Variants in MUC5AC observed in about 807,000 individuals in gnomAD.
MUC5AC encodes mucin 5AC, oligomeric mucus/gel-forming, also known as mucin-5AC.
Under a neutral mutation model 169.7 loss-of-function variants are expected in MUC5AC, and 158 were observed. That is an observed-to-expected ratio of 0.93 (90% CI 0.82 to 1.06). The LOEUF is 1.06. MUC5AC is among the 50% of genes least tolerant of loss of function. The pLI, the probability that MUC5AC is intolerant of heterozygous loss-of-function variation, is 0.00. For missense variants in MUC5AC, 4,359 were observed against 3,089.9 expected, an observed-to-expected ratio of 1.41 and a Z score of -9.74; for synonymous variants, 1,975 against 1,237.0, an observed-to-expected ratio of 1.60 and a Z score of -12.52.
Position 1,164,165 on chromosome 11 carries a change from C to T in MUC5AC, c.849C>T (p.Asp283=), listed in dbSNP as rs193230759. 4.6e-4 allele frequency: 740 copies of T among 1,612,486 alleles called. 4 individuals carry two copies. In the East Asian group the frequency reaches 0.011, roughly 23 times the overall value. The part of the protein sequence containing the change: ...QLFSGCVALV[D]VGSYLEACRQ... Reference sequence around the variant, plus strand: ...TCTCTGGCTGCGTGGCCCTGGTGGACGTCGGCAGCTACCTGGAGGCTTGCA... The same window carrying T: ...TCTCTGGCTGCGTGGCCCTGGTGGATGTCGGCAGCTACCTGGAGGCTTGCA... Residue 283 remains aspartate (D), a synonymous_variant, in exon 8 of 49, where the codon GAC becomes GAT. Coordinates refer to ENST00000621226, the MANE Select transcript of MUC5AC (RefSeq NM_001304359.2).
Position 1,198,293 on chromosome 11 carries a change from G to T in MUC5AC, c.16161G>T (p.Gly5387=), listed in dbSNP as rs1861336201. The T allele has an allele frequency of 1.3e-6, 1 of 754,550 alleles. No homozygotes were observed. The highest frequency in any genetic ancestry group is 1.7e-5 in the African/African-American group (1 of 58,892). 46.7% of individuals were successfully genotyped at this position (754,550 alleles called of 1,614,324 possible). The part of the protein sequence containing the change: ...NCSWTVCSIN[G]TLYQPGAVVS... ...GCTGGACAGTGTGCAGCATCAACGG[G>T]ACCCTGTACCAGGTAAGAGCCACGG... Residue 5387 remains glycine (G), a synonymous_variant, in exon 43 of 49, where the codon GGG becomes GGT. Transcript: ENST00000621226.
intron 8 of MUC5AC, 37 bp downstream of exon 8, chr11:1,164,356 G>A (rs935261080): frequency 1.9e-6 from 3 of 1,611,698 alleles, no homozygotes; most frequent in South Asian, 2.2e-5. Flanking sequence ...AACCCCTTTG[G>A]CAGGGAGGGC....
In MUC5AC at chr11:1,192,095, C is replaced by T. The variant is rs1342342666; in HGVS notation, c.13950C>T (p.Asp4650=). Reference sequence around the variant, plus strand: ...CATCCCCTGGACCCCACGGCGGGGACAAGGAAACCTACAACAACATCATCA... The same window carrying T: ...CATCCCCTGGACCCCACGGCGGGGATAAGGAAACCTACAACAACATCATCA... ...DFPSPGPHGG[D]KETYNNIIRS... is the part of the protein sequence containing the mutation. The change falls in exon 31 of 49, where the codon GAC becomes GAT. Residue 4650 remains aspartate, a synonymous_variant. Transcript: ENST00000621226. 6 of 764,954 alleles carry T rather than the reference C, an allele frequency of 7.8e-6. No individual in the cohort carries two copies. Among genetic ancestry groups the T allele is most frequent in the Non-Finnish European group, 1.2e-5 (5 of 417,888 alleles). The allele number at this position is 764,954 out of a possible 1,614,324, so 47.4% of individuals were successfully genotyped here.
rs766535674 is a variant in MUC5AC, at chr11:1,168,725, C to T, written c.1651C>T (p.Pro551Ser). 5.3e-5 allele frequency: 85 copies of T among 1,610,208 alleles called. No individual in the cohort carries two copies. Among genetic ancestry groups the T allele is most frequent in the Admixed American group, 1.3e-4 (8 of 59,954 alleles). ...CCTGCAGCTGAACCTGCAGCTGGTGCCCACCATGCAGCTGTTCATGCAGCT... is the reference window on the plus strand; with the variant it reads ...CCTGCAGCTGAACCTGCAGCTGGTGTCCACCATGCAGCTGTTCATGCAGCT... ...LGLQLNLQLV[P>S]TMQLFMQLAP... The change falls in exon 14 of 49, where the codon CCC becomes TCC. Residue 551 changes from proline to serine, a missense_variant. Physicochemically the swap from Pro to Ser is moderately conservative, Grantham distance 74. Transcript: ENST00000621226.
Position 1,187,699 on chromosome 11 carries a change from G to A in MUC5AC, c.9554G>A (p.Gly3185Glu), listed in dbSNP as rs2133761193. ...ACAACCAGCACAACCCCTGGTCCTG[G>A]AACCACTCCCAGCCCCGTTCCCACC... ...ASTTSTTPGP[G>E]TTPSPVPTTS... The change falls in exon 31 of 49, where the codon GGA becomes GAA. Residue 3185 changes from glycine (G) to glutamate (E), a missense_variant. Coordinates refer to ENST00000621226, the MANE Select transcript of MUC5AC (RefSeq NM_001304359.2). The A allele has an allele frequency of 1.3e-6, 1 of 764,548 alleles. No individual in the cohort carries two copies. The highest frequency in any genetic ancestry group is 1.3e-5 in the South Asian group (1 of 74,570). The allele number at this position is 764,548 out of a possible 1,614,324, so 47.4% of individuals were successfully genotyped here. A position where few individuals can be genotyped will look rare whatever the true frequency, so the allele number is the denominator to read the frequency against.
rs758234609 is a variant in MUC5AC at position 1,199,475 on chromosome 11, G to A, written c.16500G>A (p.Pro5500=). ...VVVTTKKACP[P]LSCSLDEARM... ...TCACCACGAAGAAGGCGTGCCCCCC[G>A]CTCAGCTGTTCTCTGGTGAGGTCCA... The change falls in exon 46 of 49, where the codon CCG becomes CCA. Residue 5500 remains proline, a synonymous_variant. Coordinates refer to ENST00000621226, the MANE Select transcript of MUC5AC (RefSeq NM_001304359.2). 11 of 716,728 alleles carry A rather than the reference G, an allele frequency of 1.5e-5. No homozygotes were observed. Among genetic ancestry groups the A allele is most frequent in the South Asian group, 2.9e-5 (2 of 68,474 alleles). The allele number at this position is 716,728 out of a possible 1,614,324, so 44.4% of individuals were successfully genotyped here.
At chr11:1,173,261 T>C (rs1034797030) in intron 16 of MUC5AC, among the ~76,000 whole-genome samples, 49 of 150,568 alleles carry the variant, frequency 3.3e-4, no homozygotes, top group African/African-American at 1.2e-3. Flanking sequence ...CACTCACTAA[T>C]TCCTTCACTT....
At chr11:1,167,542 C>G (rs1860371176) in intron 11 of MUC5AC, among the ~76,000 whole-genome samples, 1 of 152,368 alleles carries the variant, frequency 6.6e-6, no homozygotes, top group East Asian at 1.9e-4. Flanking sequence ...TTCACGCAGA[C>G]AGCTCCACTG....
intron 2 of MUC5AC, 136 bp from the exon 3 acceptor site, chr11:1,161,391 C>T: frequency 3.3e-6 from 2 of 606,938 alleles, no homozygotes; most frequent in South Asian, 2.8e-5. Flanking sequence ...GGAGGGGGCC[C>T]AACACGCAGC....
At chr11:1,200,108 G>T (rs1262683973) in intron 48 of MUC5AC, 139 bp downstream of exon 48, 6 of 610,570 alleles carry the variant, frequency 9.8e-6, no homozygotes, top group Non-Finnish European at 1.5e-5. Context: ...AGGCGGGAAA[G>T]GGGTCCTGAG....
Position 1,188,105 on chromosome 11 carries a change from C to T in MUC5AC, c.9960C>T (p.Cys3320=), listed in dbSNP as rs1554928479. ...ACTACGAGGTGCGTGTGCTCTGCTG[C>T]GAGACCCCTAAAGGTTGCCCCGTGA... is the stretch of plus-strand genomic sequence containing the variant. ...CLNYEVRVLC[C]ETPKGCPVTS... is the part of the protein sequence containing the mutation. Residue 3320 remains cysteine, a synonymous_variant, in exon 31 of 49, where the codon TGC becomes TGT. Transcript: ENST00000621226. 32 of 737,078 alleles carry T rather than the reference C, an allele frequency of 4.3e-5. 1 individual carries two copies. The highest frequency in any genetic ancestry group is 4.6e-4 in the Middle Eastern group (2 of 4,324). 45.7% of individuals were successfully genotyped at this position (737,078 alleles called of 1,614,324 possible).
chr11:1,172,262 C>A (rs1031853400), intron 15 of MUC5AC, among the ~76,000 whole-genome samples, 167 bp from the exon 16 acceptor site: 26,196 of 152,154 alleles, frequency 0.17, 2,459 homozygotes, highest in Non-Finnish European at 0.2. Flanking sequence ...AGCTTTTCCT[C>A]GGGGAGGGCG....
At position 1,194,676 on chromosome 11, in the gene MUC5AC, G is replaced by T. The variant is rs768099597; in HGVS notation, c.15190+6G>T. On this transcript the variant is annotated splice_donor_region_variant and intron_variant, in intron 35 of 48. Coordinates refer to ENST00000621226, the MANE Select transcript of MUC5AC (RefSeq NM_001304359.2). ...CAACACCGAGGGCCAGTGCGGTGAG[G>T]CCACAGGGCTCCCGGGCATCGTCTG... 1.3e-6 allele frequency: 1 copy of T among 744,228 alleles called. No homozygotes were observed. Among genetic ancestry groups the T allele is most frequent in the Admixed American group, 1.8e-5 (1 of 56,580 alleles). The allele number at this position is 744,228 out of a possible 1,614,324, so 46.1% of individuals were successfully genotyped here.
At position 1,190,567 on chromosome 11, in the gene MUC5AC, C is replaced by G; in HGVS notation, c.12422C>G (p.Pro4141Arg). The G allele has an allele frequency of 1.4e-6, 1 of 697,698 alleles. No individual in the cohort carries two copies. Among genetic ancestry groups the G allele is most frequent in the Non-Finnish European group, 2.6e-6 (1 of 382,162 alleles). 43.2% of individuals were successfully genotyped at this position (697,698 alleles called of 1,614,324 possible). ...CCTACAACCAGCACGACCTCAGCTC[C>G]TACACACAGAACGACTTCTGGTCCT... ...SAPTTSTTSAPTHRTTSGPTT... is the reference protein window; with the variant it reads ...SAPTTSTTSARTHRTTSGPTT... The change falls in exon 31 of 49, where the codon CCT (proline) becomes CGT (arginine). Residue 4141 changes from proline to arginine, a missense_variant. Pro to Arg is a moderately radical substitution (Grantham distance 103, BLOSUM62 -2). Transcript: ENST00000621226.
chr11:1,164,618 C>T (rs1028545356), intron 9 of MUC5AC, 86 bp downstream of exon 9: 1 of 1,478,938 alleles, frequency 6.8e-7, no homozygotes, highest in Non-Finnish European at 9.0e-7. Context: ...GGAAGAAGGA[C>T]CCCAGTCCTA....
rs763116333 is a variant in MUC5AC at position 1,192,459 on chromosome 11, T to A, written c.14314T>A (p.Ser4772Thr). 69 of 765,034 alleles carry A rather than the reference T, an allele frequency of 9.0e-5. No homozygotes were observed. The East Asian group carries it at 1.6e-3, about 18-fold the overall frequency. 47.4% of individuals were successfully genotyped at this position (765,034 alleles called of 1,614,324 possible). Residue 4772 changes from serine (S) to threonine (T), a missense_variant, in exon 31 of 49, where the codon TCC (serine) becomes ACC (threonine). Coordinates refer to ENST00000621226, the MANE Select transcript of MUC5AC (RefSeq NM_001304359.2). ...CTCTGTGGCATCCAGCTCTGTGGCA[T>A]CCAGCTCTGTGGCTTACTCCACCCA... Reference protein sequence around the residue: ...STSVASSSVASSSVAYSTQTC... With the variant: ...STSVASSSVATSSVAYSTQTC...
At position 1,165,562 on chromosome 11, in the gene MUC5AC, G is replaced by A. The variant is rs1438516959; in HGVS notation, c.1248-60G>A. 51 of 1,602,544 alleles carry A rather than the reference G, an allele frequency of 3.2e-5. 1 individual carries two copies. In the South Asian group the frequency reaches 3.5e-4, roughly 11 times the overall value. On this transcript the variant is annotated intron_variant, in intron 10 of 48. Coordinates refer to ENST00000621226, the MANE Select transcript of MUC5AC (RefSeq NM_001304359.2). Reference sequence around the variant, plus strand: ...TGAGACCCGGTCAGCCTCCTGACGCGGAGGCTGGAGGCTGGTCTCCTGGGG... The same window carrying A: ...TGAGACCCGGTCAGCCTCCTGACGCAGAGGCTGGAGGCTGGTCTCCTGGGG...
rs958729167 is a variant in MUC5AC, at chr11:1,200,497, C to T, written c.16760C>T (p.Thr5587Ile). 1.3e-6 allele frequency: 1 copy of T among 746,062 alleles called. No individual in the cohort carries two copies. The highest frequency in any genetic ancestry group is 2.4e-6 in the Non-Finnish European group (1 of 409,122). 46.2% of individuals were successfully genotyped at this position (746,062 alleles called of 1,614,324 possible). The change falls in exon 49 of 49, where the codon ACC becomes ATC. Residue 5587 changes from threonine to isoleucine, a missense_variant. By Grantham distance (89) the Thr-to-Ile change is moderately conservative. Coordinates refer to ENST00000621226, the MANE Select transcript of MUC5AC (RefSeq NM_001304359.2). ...HRCQCCQELR[T>I]SLRNVTLHCT... ...TGCCAGTGCTGCCAGGAGCTGCGGACCTCGCTGAGGAATGTGACCCTGCAC... is the reference window on the plus strand; with the variant it reads ...TGCCAGTGCTGCCAGGAGCTGCGGATCTCGCTGAGGAATGTGACCCTGCAC...
rs56362796 is a variant in MUC5AC at position 1,165,303 on chromosome 11, G to A, written c.1131G>A (p.Gly377=). The change falls in exon 10 of 49, where the codon GGG becomes GGA. Residue 377 remains glycine (G), a splice_region_variant and synonymous_variant. Coordinates refer to ENST00000621226, the MANE Select transcript of MUC5AC (RefSeq NM_001304359.2). ...HCVAGCFCPE[G]TVLDDIGQTG... ...CATAGGCCTGCCTGACCCCTGCAGG[G>A]ACGGTGCTTGACGACATCGGCCAGA... The A allele has an allele frequency of 1.3e-5, 21 of 1,611,450 alleles. No homozygotes were observed. The highest frequency in any genetic ancestry group is 1.7e-5 in the Non-Finnish European group (20 of 1,179,286).
Sources: allele counts gnomAD v4.1 joint callset (sites outside exome capture counted in the v4.1 genomes callset), GRCh38; gene constraint gnomAD v4.1.1; transcripts MANE v1.5; gene names NCBI Gene and HGNC (gene_info 2026-07-23, HGNC 2026-07-21).